The following FER variants were observed in gnomAD, a reference collection of about 807,000 sequenced individuals.
FER encodes the protein FER tyrosine kinase.
In FER, 63 loss-of-function variants were observed where a neutral mutation model predicts 111.0. That is an observed-to-expected ratio of 0.57 (90% CI 0.46 to 0.70). FER has a LOEUF of 0.70. FER is among the 30% of genes least tolerant of loss of function. The probability of loss-of-function intolerance (pLI) is 0.00; values close to 1 mark genes in which losing one functional copy is unlikely to be tolerated. For missense variants in FER, 914 were observed against 954.0 expected (o/e 0.96, Z 0.55); for synonymous variants, 327 against 313.9 (o/e 1.04, Z -0.44).
intron 16 of FER, chr5:109,051,448 G>C: frequency 6.2e-7 from 1 of 1,613,052 alleles, no homozygotes; most frequent in Non-Finnish European, 8.5e-7. Context: ...GTTATCATCG[G>C]GGAAATCAAA....
chr5:109,156,393 G>T (rs999400239), intron 17 of FER, among the ~76,000 whole-genome samples: 1 of 152,050 alleles, frequency 6.6e-6, no homozygotes, highest in Non-Finnish European at 1.5e-5. Context: ...TGGTACCATT[G>T]GCTGATAAAG....
intron 9 of FER, among the ~76,000 whole-genome samples, chr5:108,888,028 T>C (rs547691693): frequency 6.6e-6 from 1 of 152,030 alleles, no homozygotes; most frequent in African/African-American, 2.4e-5. Context: ...CCATGCAGAA[T>C]CTTAAGAGAT....
intron 2 of FER, among the ~76,000 whole-genome samples, chr5:108,768,614 A>G (rs966026823): frequency 2.6e-5 from 4 of 152,128 alleles, no homozygotes; most frequent in African/African-American, 4.8e-5. Context: ...CATTAATAGC[A>G]TTATTAATCT....
At chr5:108,892,374 G>A (rs1377954499) in intron 9 of FER, among the ~76,000 whole-genome samples, 1 of 152,098 alleles carries the variant, frequency 6.6e-6, no homozygotes. Flanking sequence ...GGTGTGAGAT[G>A]GTATCTCATT....
intron 10 of FER, among the ~76,000 whole-genome samples, chr5:108,898,772 A>T (rs1749566665): frequency 6.6e-6 from 1 of 151,596 alleles, no homozygotes; most frequent in South Asian, 2.1e-4. Context: ...TGCCACACAC[A>T]TACCTGGGAC....
At chr5:109,052,517 C>A in intron 16 of FER, 2 of 759,692 alleles carry the variant, frequency 2.6e-6, no homozygotes, top group South Asian at 1.6e-5. Context: ...TGATTGAACT[C>A]CTTGGAGGAT....
At chr5:109,071,473 A>G (rs1775754019) in intron 16 of FER, among the ~76,000 whole-genome samples, 1 of 150,386 alleles carries the variant, frequency 6.6e-6, no homozygotes, top group Non-Finnish European at 1.5e-5. Context: ...TGAGTAAACC[A>G]TTTTATAGTG....
intron 13 of FER, among the ~76,000 whole-genome samples, chr5:109,030,830 C>T (rs1769490819): frequency 6.6e-6 from 1 of 152,198 alleles, no homozygotes; most frequent in Non-Finnish European, 1.5e-5. Flanking sequence ...GACAAAGAGA[C>T]TTCCCAGGAT....
intron 14 of FER, among the ~76,000 whole-genome samples, chr5:109,038,460 A>G (rs1770700000): frequency 6.6e-6 from 1 of 151,908 alleles, no homozygotes; most frequent in Non-Finnish European, 1.5e-5. Context: ...TTTTTAAAAA[A>G]TCTCTGAGAA....
intron 8 of FER, among the ~76,000 whole-genome samples, chr5:108,881,265 C>T (rs1765645448): frequency 1.3e-5 from 2 of 152,086 alleles, no homozygotes; most frequent in Non-Finnish European, 2.9e-5. Flanking sequence ...ACTTACAGTT[C>T]CCCATAGCTT....
At chr5:108,818,179 G>A (rs1758469469) in intron 3 of FER, 1 of 152,170 alleles carries the variant, frequency 6.6e-6, no homozygotes, top group Non-Finnish European at 1.5e-5. Context: ...TGTAATATTA[G>A]CACTTTGGGA....
At chr5:109,119,518 G>A (rs913366196) in intron 17 of FER, among the ~76,000 whole-genome samples, 15 of 152,012 alleles carry the variant, frequency 9.9e-5, no homozygotes, top group African/African-American at 3.4e-4. Flanking sequence ...GTAGATGTCT[G>A]TTAGGTCTTC....
At position 109,196,825 on chromosome 5, in the gene FER, A is replaced by G. The variant is rs140232673; in HGVS notation, c.*9250A>G. On this transcript the variant is annotated 3_prime_UTR_variant, in exon 20 of 20. Transcript: ENST00000281092. The stretch of plus-strand genomic sequence containing the variant: ...TTTATTGTATTCCTATAATAAATGT[A>G]AAATATTTGTAGCAAACTGTGCCTT... 9.1e-4 allele frequency: 139 copies of G among 152,246 alleles called. No homozygotes were observed. The highest frequency in any genetic ancestry group is 3.2e-3 in the African/African-American group (132 of 41,548). The allele number at this position is 152,246 out of a possible 1,614,324, so 9.4% of individuals were successfully genotyped here.
In FER at chr5:109,100,413, T is replaced by G; in HGVS notation, c.1942T>G (p.Phe648Val). ...TCCTCTAGGAGGTGATTTCCTCACCTTTCTGAGAAGGAAGAAGGATGAACT... is the reference window on the plus strand; with the variant it reads ...TCCTCTAGGAGGTGATTTCCTCACCGTTCTGAGAAGGAAGAAGGATGAACT... ...ELVSGGDFLT[F>V]LRRKKDELKL... Residue 648 changes from phenylalanine (F) to valine (V), a missense_variant, in exon 17 of 20, where the codon TTT becomes GTT. This residue lies in a region of FER where 774 missense variants were observed against 782.6 expected (regional missense o/e 0.99). Transcript: ENST00000281092. The G allele has an allele frequency of 6.2e-7, 1 of 1,610,886 alleles. No individual in the cohort carries two copies. Among genetic ancestry groups the G allele is most frequent in the Non-Finnish European group, 8.5e-7 (1 of 1,177,804 alleles).
intron 13 of FER, among the ~76,000 whole-genome samples, chr5:108,988,109 G>A (rs867929261): frequency 6.6e-6 from 1 of 152,128 alleles, no homozygotes; most frequent in South Asian, 2.1e-4. Context: ...ACTTGTGTAT[G>A]TTGAACCATC....
chr5:109,100,449 CAGTT>C lies in FER; in HGVS notation c.1982_1985del (p.Leu661Ter). On this transcript the variant is annotated frameshift_variant, in exon 17 of 20. Coordinates refer to ENST00000281092, the MANE Select transcript of FER (RefSeq NM_005246.4). LOFTEE classifies it high-confidence loss of function. ...GAAGAAGGATGAACTAAAACTCAAA[CAGTT>C]AGTGAAATTTTCATTAGACGCTGCT... The C allele has an allele frequency of 1.2e-6, 2 of 1,611,418 alleles. No individual in the cohort carries two copies. The highest frequency in any genetic ancestry group is 1.1e-5 in the South Asian group (1 of 90,994).
chr5:109,104,553 A>T (rs1748650075), intron 17 of FER, among the ~76,000 whole-genome samples: 1 of 152,116 alleles, frequency 6.6e-6, no homozygotes, highest in Admixed American at 6.5e-5. Context: ...GAATAGAAGG[A>T]GTAAGAAGAT....
chr5:109,002,113 A>G (rs1764858408), intron 13 of FER, among the ~76,000 whole-genome samples: 1 of 151,476 alleles, frequency 6.6e-6, no homozygotes, highest in East Asian at 1.9e-4. Flanking sequence ...ACAGAATTGG[A>G]AAAAACTACT....
At chr5:108,872,354 T>A (rs1448233460) in intron 8 of FER, 142 bp downstream of exon 8, 35 of 716,608 alleles carry the variant, frequency 4.9e-5, no homozygotes, top group Non-Finnish European at 1.5e-5. Context: ...TTGAGAAATA[T>A]GTTAATTTTA....
Sources: gnomAD v4.1 joint callset for allele counts (sites outside exome capture counted in the v4.1 genomes callset) on GRCh38, gnomAD v4.1.1 for gene constraint, gnomAD v4.1.1 regional missense constraint, MANE v1.5 for transcripts, NCBI Gene and HGNC (gene_info 2026-07-23, HGNC 2026-07-21) for gene names.